The following MARK4 variants were observed in gnomAD, a reference collection of about 807,000 sequenced individuals.
The protein encoded by MARK4 is microtubule affinity regulating kinase 4, also known as MAP/microtubule affinity-regulating kinase 4.
MARK4 carries 19 observed loss-of-function variants against 81.5 expected under a neutral mutation model. The observed-to-expected ratio is 0.23, with a 90% confidence interval of 0.16 to 0.34. The LOEUF (loss-of-function observed/expected upper bound fraction) is 0.34. Among genes scored for constraint, MARK4 ranks in the 10% least tolerant of loss-of-function variants. The pLI, the probability that MARK4 is intolerant of heterozygous loss-of-function variation, is 1.00. For missense variants in MARK4, 772 were observed against 1,058.8 expected (o/e 0.73, Z 3.76); for synonymous variants, 436 against 439.0 (o/e 0.99, Z 0.08).
rs1014006702 is a variant in MARK4, at chr19:45,304,578, G to C, written c.*1868G>C. 2 of 152,246 alleles carry C rather than the reference G, an allele frequency of 1.3e-5. No homozygotes were observed. Among genetic ancestry groups the C allele is most frequent in the Non-Finnish European group, 2.9e-5 (2 of 68,064 alleles). 9.4% of individuals were successfully genotyped at this position (152,246 alleles called of 1,614,324 possible). On this transcript the variant is annotated 3_prime_UTR_variant, in exon 17 of 17. Transcript: ENST00000262891. Reference sequence around the variant, plus strand: ...TGGAAGTTCAGGGAACTTCAGGGAAGAGGCTTGGTCAATTCCTGAGAGCAT... The same window carrying C: ...TGGAAGTTCAGGGAACTTCAGGGAACAGGCTTGGTCAATTCCTGAGAGCAT...
chr19:45,259,219 G>T, intron 2 of MARK4, 30 bp downstream of exon 2: 1 of 1,609,772 alleles, frequency 6.2e-7, no homozygotes. Context: ...GGGGCTCGGG[G>T]CAGGTCCCTG....
chr19:45,296,435 T>A lies in MARK4; in HGVS notation c.1599-1241T>A, dbSNP rs542028997. ...AGGCCGCTGCACCAGCAGCCATCATTTCCCAATCAGGAAGAAGTGGGGAAA... is the reference window on the plus strand; with the variant it reads ...AGGCCGCTGCACCAGCAGCCATCATATCCCAATCAGGAAGAAGTGGGGAAA... On this transcript the variant is annotated intron_variant, in intron 14 of 16. Coordinates refer to ENST00000262891, the MANE Select transcript of MARK4 (RefSeq NM_001199867.2). Among the ~76,000 whole-genome samples the A allele has an allele frequency of 2.6e-5, 4 of 152,310 alleles. No individual in the cohort carries two copies. In the East Asian group the frequency reaches 7.7e-4, roughly 29 times the overall value.
chr19:45,290,475 A>G (rs1460143945), intron 13 of MARK4, among the ~76,000 whole-genome samples: 2 of 152,250 alleles, frequency 1.3e-5, no homozygotes, highest in Non-Finnish European at 2.9e-5. Context: ...AGCTGTGGCC[A>G]GCATTAACCA....
At chr19:45,280,178 G>A (rs1225391247) in intron 10 of MARK4, 196 bp from the exon 11 acceptor site, 1 of 549,078 alleles carries the variant, frequency 1.8e-6, no homozygotes, top group Non-Finnish European at 3.3e-6. Flanking sequence ...GCAAAACCCT[G>A]TCTCTACTGA....
At chr19:45,276,592 T>C (rs1427929746) in intron 8 of MARK4, among the ~76,000 whole-genome samples, 1 of 149,924 alleles carries the variant, frequency 6.7e-6, no homozygotes, top group African/African-American at 2.4e-5. Flanking sequence ...TCTCTGGCTC[T>C]GGGCCAGGCA....
Position 45,297,909 on chromosome 19 carries a change from C to T in MARK4, c.1832C>T (p.Pro611Leu). 1.3e-6 allele frequency: 2 copies of T among 1,550,318 alleles called. No homozygotes were observed. Among genetic ancestry groups the T allele is most frequent in the Middle Eastern group, 1.7e-4 (1 of 5,980 alleles). ...AAPLPAGRPR[P>L]TTNLFTKLTS... ...CCCCTGCCCGCCGGGCGGCCCCGCC[C>T]CACCACCAACCTCTTCACCAAGCTG... The change falls in exon 15 of 17, where the codon CCC becomes CTC. Residue 611 changes from proline (P) to leucine (L), a missense_variant. By Grantham distance (98) the Pro-to-Leu change is moderately conservative (BLOSUM62 -3). Coordinates refer to ENST00000262891, the MANE Select transcript of MARK4 (RefSeq NM_001199867.2).
In MARK4 at chr19:45,251,620, A is replaced by G. The variant is rs767552399; in HGVS notation, c.32A>G (p.Asn11Ser). 3.0e-6 allele frequency: 4 copies of G among 1,312,354 alleles called. No individual in the cohort carries two copies. Among genetic ancestry groups the G allele is most frequent in the African/African-American group, 1.6e-5 (1 of 60,692 alleles). The allele number at this position is 1,312,354 out of a possible 1,614,324, so 81.3% of individuals were successfully genotyped here. Residue 11 changes from asparagine (N) to serine (S), a missense_variant, in exon 1 of 17, where the codon AAC (asparagine) becomes AGC (serine). Coordinates refer to ENST00000262891, the MANE Select transcript of MARK4 (RefSeq NM_001199867.2). ...TCGCGGACGGTGCTGGCCCCGGGCA[A>G]CGATCGGAACTCGGACACGGTGAGT... MSSRTVLAPG[N>S]DRNSDTHGTL... is the part of the protein sequence containing the mutation.
chr19:45,255,688 ACCAGCATTAATTAAACGTTAGTTGTCG>A, intron 1 of MARK4, among the ~76,000 whole-genome samples: 1 of 152,128 alleles, frequency 6.6e-6, no homozygotes, highest in Non-Finnish European at 1.5e-5. Context: ...TGCATCAATG[ACCAGCATTAATTAAACGTTAGTTGTCG>A]TTGCTATCAA....
intron 1 of MARK4, among the ~76,000 whole-genome samples, chr19:45,252,023 C>A (rs1484345188): frequency 1.3e-5 from 2 of 151,978 alleles, no homozygotes; most frequent in Non-Finnish European, 2.9e-5. Flanking sequence ...GGCCCCTGAC[C>A]CCCCAAGGCC....
At chr19:45,260,870 C>T (rs1376999361) in intron 2 of MARK4, among the ~76,000 whole-genome samples, 1 of 152,130 alleles carries the variant, frequency 6.6e-6, no homozygotes, top group Non-Finnish European at 1.5e-5. Flanking sequence ...GCCTCACTCT[C>T]CCCACCACCT....
chr19:45,283,179 G>A (rs1970698302), intron 12 of MARK4, among the ~76,000 whole-genome samples: 1 of 151,954 alleles, frequency 6.6e-6, no homozygotes, highest in Non-Finnish European at 1.5e-5. Flanking sequence ...GGAGACTGAG[G>A]CAGGCAGATC....
intron 7 of MARK4, among the ~76,000 whole-genome samples, chr19:45,269,738 A>G (rs758988106): frequency 2.0e-5 from 3 of 152,196 alleles, no homozygotes; most frequent in African/African-American, 4.8e-5. Flanking sequence ...TGCAATGGGC[A>G]TGAGTTGTGG....
intron 2 of MARK4, among the ~76,000 whole-genome samples, chr19:45,261,637 A>G (rs1378294517): frequency 1.3e-5 from 2 of 152,168 alleles, no homozygotes; most frequent in Non-Finnish European, 1.5e-5. Context: ...AAAATAAAAT[A>G]AAAGTTTTAC....
intron 14 of MARK4, 106 bp downstream of exon 14, chr19:45,294,558 C>G (rs746319957): frequency 5.2e-6 from 5 of 960,210 alleles, no homozygotes; most frequent in Non-Finnish European, 8.0e-6. Context: ...GCCATGGGGA[C>G]CAGAGAGTGA....
intron 2 of MARK4, among the ~76,000 whole-genome samples, chr19:45,259,796 A>G (rs1007846745): frequency 1.3e-5 from 2 of 149,128 alleles, no homozygotes; most frequent in East Asian, 4.0e-4. Flanking sequence ...ATAAAATAAA[A>G]TAAAAGAGGG....
intron 8 of MARK4, among the ~76,000 whole-genome samples, chr19:45,275,622 C>T (rs1487413354): frequency 6.6e-6 from 1 of 152,188 alleles, no homozygotes; most frequent in African/African-American, 2.4e-5. Flanking sequence ...TTTCTTCTCC[C>T]CCATCACGTG....
intron 8 of MARK4, among the ~76,000 whole-genome samples, chr19:45,277,023 G>A (rs1970606794): frequency 6.6e-6 from 1 of 152,006 alleles, no homozygotes; most frequent in Non-Finnish European, 1.5e-5. Context: ...AGGAGACCGA[G>A]GCCCCAGTGG....
chr19:45,299,209 G>C (rs537001022), intron 15 of MARK4, among the ~76,000 whole-genome samples: 2 of 152,144 alleles, frequency 1.3e-5, no homozygotes. Flanking sequence ...GATGACTTGA[G>C]TCCAGGAGTT....
intron 4 of MARK4, among the ~76,000 whole-genome samples, chr19:45,263,731 G>A (rs554435800): frequency 1.4e-5 from 2 of 146,036 alleles, no homozygotes; most frequent in South Asian, 4.3e-4. Flanking sequence ...AATAAAGCGA[G>A]ACTTCATCTC....
Sources: gnomAD v4.1 joint callset for allele counts (sites outside exome capture counted in the v4.1 genomes callset) on GRCh38, gnomAD v4.1.1 for gene constraint, MANE v1.5 for transcripts, NCBI Gene and HGNC (gene_info 2026-07-23, HGNC 2026-07-21) for gene names.